Variants in PARD3B observed in about 807,000 individuals in gnomAD.
The protein encoded by PARD3B is partitioning defective 3 homolog B.
In PARD3B, 103 loss-of-function variants were observed where a neutral mutation model predicts 130.2. The observed-to-expected ratio is 0.79, with a 90% CI of 0.67 to 0.93. The LOEUF is 0.93. PARD3B is among the 40% of genes least tolerant of loss of function. The pLI is 0.00. For missense variants in PARD3B, 1,609 were observed against 1,499.2 expected (o/e 1.07, Z -1.21); for synonymous variants, 583 against 553.2 (o/e 1.05, Z -0.76).
chr2:204,690,924 T>C (rs918231595), intron 2 of PARD3B, among the ~76,000 whole-genome samples: 5 of 152,172 alleles, frequency 3.3e-5, no homozygotes, highest in African/African-American at 1.2e-4. Context: ...CCATCACAAA[T>C]GATCCTCAGT....
intron 15 of PARD3B, among the ~76,000 whole-genome samples, chr2:205,242,593 T>C (rs1483592008): frequency 6.6e-6 from 1 of 152,148 alleles, no homozygotes; most frequent in African/African-American, 2.4e-5. Context: ...AATAACAATG[T>C]AAAAGTACCT....
intron 2 of PARD3B, among the ~76,000 whole-genome samples, chr2:204,764,005 A>G (rs1487643672): frequency 2.6e-5 from 4 of 152,138 alleles, no homozygotes; most frequent in African/African-American, 9.7e-5. Flanking sequence ...GCAGTCTCTC[A>G]TTGCCTGAGG....
chr2:205,434,013 A>T (rs373284389), intron 19 of PARD3B, among the ~76,000 whole-genome samples: 3 of 152,260 alleles, frequency 2.0e-5, no homozygotes, highest in East Asian at 3.9e-4. Context: ...TCTTTTTTCA[A>T]TTCACCTGAG....
chr2:204,550,599 T>C (rs892320793), intron 1 of PARD3B, among the ~76,000 whole-genome samples: 4 of 152,248 alleles, frequency 2.6e-5, no homozygotes, highest in Non-Finnish European at 5.9e-5. Context: ...TTTGTGGCTC[T>C]GACTGCGTAT....
intron 2 of PARD3B, among the ~76,000 whole-genome samples, chr2:204,778,716 T>C (rs546522000): frequency 6.6e-6 from 1 of 152,164 alleles, no homozygotes; most frequent in Non-Finnish European, 1.5e-5. Context: ...TCCTCCTTAC[T>C]TACTTAACTG....
At chr2:204,716,695 T>G (rs1336531558) in intron 2 of PARD3B, among the ~76,000 whole-genome samples, 1 of 149,062 alleles carries the variant, frequency 6.7e-6, no homozygotes, top group Non-Finnish European at 1.5e-5. Context: ...CGATCTCGGC[T>G]CACTGCAAGT....
At chr2:205,406,917 C>T (rs926375172) in intron 19 of PARD3B, among the ~76,000 whole-genome samples, 5 of 152,084 alleles carry the variant, frequency 3.3e-5, no homozygotes, top group Non-Finnish European at 7.4e-5. Flanking sequence ...GATCCACCTG[C>T]CTTGGCCTCC....
chr2:205,166,136 C>T (rs1365074502), intron 11 of PARD3B, among the ~76,000 whole-genome samples: 1 of 151,972 alleles, frequency 6.6e-6, no homozygotes, highest in Non-Finnish European at 1.5e-5. Context: ...GACTAGACAC[C>T]GCATACTTAA....
chr2:205,308,604 C>CAAGA (rs1553668004), intron 18 of PARD3B, among the ~76,000 whole-genome samples: 1 of 113,300 alleles, frequency 8.8e-6, no homozygotes, highest in Non-Finnish European at 1.8e-5. Context: ...GACTCCGTCT[C>CAAGA]AAAAAAAAAA....
At chr2:204,633,644 T>G (rs1260253259) in intron 1 of PARD3B, among the ~76,000 whole-genome samples, 1 of 152,020 alleles carries the variant, frequency 6.6e-6, no homozygotes, top group Non-Finnish European at 1.5e-5. Flanking sequence ...AAACCCTGTT[T>G]CTACTAAAAA....
chr2:205,000,695 A>C (rs1694756332), intron 3 of PARD3B, among the ~76,000 whole-genome samples: 1 of 152,214 alleles, frequency 6.6e-6, no homozygotes, highest in Non-Finnish European at 1.5e-5. Context: ...CAAACTTATC[A>C]CATGGGTTGT....
chr2:205,607,886 A>G (rs1035401587), intron 22 of PARD3B, among the ~76,000 whole-genome samples: 2 of 151,152 alleles, frequency 1.3e-5, no homozygotes, highest in Non-Finnish European at 1.5e-5. Flanking sequence ...ACACAGAGGC[A>G]TGAAGATGGA....
At chr2:205,061,015 A>C (rs1011799290) in intron 4 of PARD3B, among the ~76,000 whole-genome samples, 1 of 152,128 alleles carries the variant, frequency 6.6e-6, no homozygotes, top group Non-Finnish European at 1.5e-5. Flanking sequence ...GAAGTTGTGC[A>C]TCGGATATCG....
chr2:205,480,999 C>G (rs1468125138), intron 20 of PARD3B, among the ~76,000 whole-genome samples: 1 of 152,026 alleles, frequency 6.6e-6, no homozygotes, highest in Non-Finnish European at 1.5e-5. Flanking sequence ...TATCAAGGAA[C>G]AGGGGAGAGT....
In PARD3B at chr2:204,998,332, ATATATATATATATATATATATATATATG is replaced by A. The variant is rs1185023417; in HGVS notation, c.394+33011_394+33038del. On this transcript the variant is annotated intron_variant, in intron 3 of 22. Coordinates refer to ENST00000406610, the MANE Select transcript of PARD3B (RefSeq NM_001302769.2). ...TTAAAGTATATATATATATATATAT[ATATATATATATATATATATATATATATG>A]TGTGTGTGTGTGTGTATATATGTGT... is the stretch of plus-strand genomic sequence containing the variant. Among the ~76,000 whole-genome samples the A allele has an allele frequency of 1.7e-3, 73 of 43,464 alleles. 3 individuals are homozygous for A. The highest frequency in any genetic ancestry group is 8.2e-3 in the Middle Eastern group (1 of 122). The allele number at this position is 43,464 out of a possible 152,430, so 28.5% of individuals were successfully genotyped here. A position where few individuals can be genotyped will look rare whatever the true frequency, so the allele number is the denominator to read the frequency against.
chr2:204,864,305 G>C lies in PARD3B; in HGVS notation c.223-100847G>C, dbSNP rs2045325950. 3.3e-5 allele frequency among the ~76,000 whole-genome samples: 5 copies of C among 152,128 alleles called. No homozygotes were observed. The South Asian group carries it at 1.0e-3, about 32-fold the overall frequency. Reference sequence around the variant, plus strand: ...CATCCAGTCACAATAAATTGACTTAGATTAAGATGTAAACTTCTTACCTGG... The same window carrying C: ...CATCCAGTCACAATAAATTGACTTACATTAAGATGTAAACTTCTTACCTGG... On this transcript the variant is annotated intron_variant, in intron 2 of 22. Transcript: ENST00000406610.
chr2:204,694,874 T>G (rs2037535920), intron 2 of PARD3B, among the ~76,000 whole-genome samples: 1 of 151,974 alleles, frequency 6.6e-6, no homozygotes, highest in African/African-American at 2.4e-5. Flanking sequence ...TGCCCTGAAT[T>G]TGTTTGCTTG....
chr2:204,875,684 G>A (rs1223460971), intron 2 of PARD3B, among the ~76,000 whole-genome samples: 1 of 152,204 alleles, frequency 6.6e-6, no homozygotes, highest in Non-Finnish European at 1.5e-5. Context: ...TGCACATGAA[G>A]TTTTTGTTCT....
chr2:205,147,227 A>G (rs1346571598), intron 10 of PARD3B, among the ~76,000 whole-genome samples: 1 of 152,188 alleles, frequency 6.6e-6, no homozygotes, highest in Non-Finnish European at 1.5e-5. Flanking sequence ...TTCATGACAC[A>G]AAATATTATA....
Sources: allele counts gnomAD v4.1 joint callset (sites outside exome capture counted in the v4.1 genomes callset), GRCh38; gene constraint gnomAD v4.1.1; transcripts MANE v1.5; gene names NCBI Gene and HGNC (gene_info 2026-07-23, HGNC 2026-07-21).